Variants in SLC25A22 observed in about 807,000 individuals in gnomAD.
SLC25A22 encodes the protein solute carrier family 25 member 22, also known as mitochondrial glutamate carrier 1.
Under a neutral mutation model 33.7 loss-of-function variants are expected in SLC25A22, and 23 were observed. The ratio of observed to expected loss-of-function variants is 0.68; its 90% CI spans 0.49 to 0.97. SLC25A22 has a LOEUF of 0.97. Among genes scored for constraint, SLC25A22 ranks in the 50% least tolerant of loss-of-function variants. The pLI is 0.00. For missense variants in SLC25A22, 390 were observed against 451.1 expected, an observed-to-expected ratio of 0.86 and a Z score of 1.23; for synonymous variants, 245 against 203.8, an observed-to-expected ratio of 1.20 and a Z score of -1.72.
intron 1 of SLC25A22, chr11:796,310 G>A (rs1864825969): frequency 6.6e-6 from 1 of 151,306 alleles, no homozygotes; most frequent in African/African-American, 2.4e-5. Context: ...GGGTGGGGCG[G>A]GCTTGGGTGG....
In SLC25A22 at chr11:794,498, G is replaced by C; in HGVS notation, c.162C>G (p.Ile54Met). The change falls in exon 4 of 10, where the codon ATC (isoleucine) becomes ATG (methionine). Residue 54 changes from isoleucine (I) to methionine (M), a missense_variant. By Grantham distance (10) the Ile-to-Met change is conservative. Coordinates refer to ENST00000628067, the MANE Select transcript of SLC25A22 (RefSeq NM_001191061.2). ...AGTAGCCCTCGGAGCGGACGGTCTT[G>C]ATGAGGCAGTCGGACCTGTGGCCAA... ...RVYTSMSDCL[I>M]KTVRSEGYFG... 1.2e-6 allele frequency: 2 copies of C among 1,612,878 alleles called. No homozygotes were observed. Among genetic ancestry groups the C allele is most frequent in the Non-Finnish European group, 8.5e-7 (1 of 1,179,856 alleles).
chr11:797,709 C>T (rs1330339568), intron 1 of SLC25A22: 1 of 398,574 alleles, frequency 2.5e-6, no homozygotes, highest in Non-Finnish European at 4.4e-6. Flanking sequence ...TGCTTTCTAT[C>T]CTGCTGGCTG....
In SLC25A22 at chr11:792,891, G is replaced by T. The variant is rs796053239; in HGVS notation, c.391C>A (p.Leu131Met). The T allele has an allele frequency of 6.2e-7, 1 of 1,610,088 alleles. No individual in the cohort carries two copies. Among genetic ancestry groups the T allele is most frequent in the Non-Finnish European group, 8.5e-7 (1 of 1,179,124 alleles). ...TTPMEMLKIQ[L>M]QDAGRIAAQR... ...TCACCAATGCGCCCTGCATCCTGCA[G>T]CTGGATCTTCAGCATCTCCATGGGC... The change falls in exon 6 of 10, where the codon CTG (leucine) becomes ATG (methionine). Residue 131 changes from leucine to methionine, a missense_variant. Coordinates refer to ENST00000628067, the MANE Select transcript of SLC25A22 (RefSeq NM_001191061.2).
chr11:791,714 A>G lies in SLC25A22; in HGVS notation c.*201T>C. 1.5e-6 allele frequency: 1 copy of G among 648,670 alleles called. No homozygotes were observed. Among genetic ancestry groups the G allele is most frequent in the South Asian group, 2.0e-5 (1 of 51,252 alleles). 40.2% of individuals were successfully genotyped at this position (648,670 alleles called of 1,614,324 possible). A position where few individuals can be genotyped will look rare whatever the true frequency, so the allele number is the denominator to read the frequency against. ...TTTCTGCATTTTCTACATAAATGAG[A>G]CATTGATCCCAACGGTGCAGGCAGC... is the stretch of plus-strand genomic sequence containing the variant. On this transcript the variant is annotated 3_prime_UTR_variant, in exon 10 of 10. Transcript: ENST00000628067.
In SLC25A22 at chr11:792,267, G is replaced by A. The variant is rs373528524; in HGVS notation, c.742+37C>T. 248 of 1,612,866 alleles carry A rather than the reference G, an allele frequency of 1.5e-4. No individual in the cohort carries two copies. Among genetic ancestry groups the A allele is most frequent in the African/African-American group, 2.3e-4 (17 of 74,904 alleles). ...TGAGCCTGGCCAAGGGCTCAGTCCC[G>A]CCCCATCCCCAGCCGGGCGCCATCC... is the stretch of plus-strand genomic sequence containing the variant. On this transcript the variant is annotated intron_variant, in intron 8 of 9. Coordinates refer to ENST00000628067, the MANE Select transcript of SLC25A22 (RefSeq NM_001191061.2).
chr11:791,870 C>T lies in SLC25A22; in HGVS notation c.*45G>A, dbSNP rs755059251. 9.0e-6 allele frequency: 14 copies of T among 1,550,148 alleles called. No homozygotes were observed. The South Asian group carries it at 1.2e-4, about 13-fold the overall frequency. ...TGGGCTAGCTGCCTGGCTCCAGCCC[C>T]ACACCGGCCCTGCCCAGCTGGCTGG... On this transcript the variant is annotated 3_prime_UTR_variant, in exon 10 of 10. Transcript: ENST00000628067.
rs1057522422 is a variant in SLC25A22 at position 791,987 on chromosome 11, G to A, written c.900C>T (p.Gly300=). 3.1e-6 allele frequency: 5 copies of A among 1,609,400 alleles called. No homozygotes were observed. The highest frequency in any genetic ancestry group is 3.4e-6 in the Non-Finnish European group (4 of 1,179,244). ...CRALVIAPLF[G]IAQVVYFLGI... is the part of the protein sequence containing the mutation. ...CCAGGAAGTAGACCACCTGTGCGATGCCGAAAAGGGGCGCGATGACCAGCG... is the reference window on the plus strand; with the variant it reads ...CCAGGAAGTAGACCACCTGTGCGATACCGAAAAGGGGCGCGATGACCAGCG... Residue 300 remains glycine (G), a synonymous_variant, in exon 10 of 10, where the codon GGC becomes GGT. Transcript: ENST00000628067.
chr11:795,735 C>G lies in SLC25A22; in HGVS notation c.-163-566G>C, dbSNP rs528512799. 418 of 160,388 alleles carry G rather than the reference C, an allele frequency of 2.6e-3. 4 individuals are homozygous for G. Among genetic ancestry groups the G allele is most frequent in the African/African-American group, 9.7e-3 (402 of 41,568 alleles). 9.9% of individuals were successfully genotyped at this position (160,388 alleles called of 1,614,324 possible). On this transcript the variant is annotated intron_variant, in intron 1 of 9. Transcript: ENST00000628067. ...CCCACGATGCCCACACCCCCCACAGCCAGCCCCTTGCCCGCCCCTTCCTCC... is the reference window on the plus strand; with the variant it reads ...CCCACGATGCCCACACCCCCCACAGGCAGCCCCTTGCCCGCCCCTTCCTCC...
At chr11:794,241 T>A (rs541192441) in intron 4 of SLC25A22, 17 of 709,272 alleles carry the variant, frequency 2.4e-5, no homozygotes, top group South Asian at 2.4e-4. Flanking sequence ...CACCAGGCAC[T>A]AAGTGGGGGT....
Position 795,027 on chromosome 11 carries a change from T to G in SLC25A22, c.-21A>C. ...GCCATTTAACTCGATTGCACCCAGG[T>G]AGGAGCCGCAGAGGTGGACGCCAGG... On this transcript the variant is annotated 5_prime_UTR_variant, in exon 2 of 10. Coordinates refer to ENST00000628067, the MANE Select transcript of SLC25A22 (RefSeq NM_001191061.2). 6.4e-7 allele frequency: 1 copy of G among 1,552,006 alleles called. No individual in the cohort carries two copies. The highest frequency in any genetic ancestry group is 1.7e-4 in the Middle Eastern group (1 of 5,862).
rs1864458103 is a variant in SLC25A22 at position 790,511 on chromosome 11, A to G, written c.*1404T>C. 6.6e-6 allele frequency: 1 copy of G among 152,248 alleles called. No individual in the cohort carries two copies. The highest frequency in any genetic ancestry group is 1.5e-5 in the Non-Finnish European group (1 of 68,058). 9.4% of individuals were successfully genotyped at this position (152,248 alleles called of 1,614,324 possible). A position where few individuals can be genotyped will look rare whatever the true frequency, so the allele number is the denominator to read the frequency against. On this transcript the variant is annotated 3_prime_UTR_variant, in exon 10 of 10. Coordinates refer to ENST00000628067, the MANE Select transcript of SLC25A22 (RefSeq NM_001191061.2). ...TATTTATTTATTCTCTGACATGACA[A>G]GACACAAAAAGTTACAACTTCTTAA...
At chr11:798,186 A>T (rs1864937326) in intron 1 of SLC25A22, 31 bp downstream of exon 1, 2 of 395,776 alleles carry the variant, frequency 5.1e-6, no homozygotes, top group Non-Finnish European at 8.9e-6. Context: ...GGATGGGCGC[A>T]GCAGAAGGGA....
Position 790,806 on chromosome 11 carries a change from A to AG in SLC25A22, c.*1108dup, listed in dbSNP as rs1344851112. ...CTCACAGCAGGGATCGCCCGGTGGC[A>AG]GGGGGGATGGGGCTTCTGAAGTGTG... On this transcript the variant is annotated 3_prime_UTR_variant, in exon 10 of 10. Transcript: ENST00000628067. 6.6e-6 allele frequency: 1 copy of AG among 152,568 alleles called. No individual in the cohort carries two copies. The highest frequency in any genetic ancestry group is 1.5e-5 in the Non-Finnish European group (1 of 68,290). 9.5% of individuals were successfully genotyped at this position (152,568 alleles called of 1,614,324 possible). A position where few individuals can be genotyped will look rare whatever the true frequency, so the allele number is the denominator to read the frequency against.
chr11:797,526 A>G (rs896461492), intron 1 of SLC25A22: 23 of 397,758 alleles, frequency 5.8e-5, no homozygotes, highest in African/African-American at 4.7e-4. Context: ...GCAGGAGAGC[A>G]GAGACCACCC....
chr11:797,116 T>C (rs1180340369), intron 1 of SLC25A22, among the ~76,000 whole-genome samples: 1 of 152,150 alleles, frequency 6.6e-6, no homozygotes, highest in Non-Finnish European at 1.5e-5. Flanking sequence ...GACACCTGCA[T>C]GATAGGGGCA....
chr11:796,371 G>C (rs1864828373), intron 1 of SLC25A22: 1 of 152,130 alleles, frequency 6.6e-6, no homozygotes, highest in Non-Finnish European at 1.5e-5. Context: ...CGGCAGCCTT[G>C]AGAGGAGAGA....
In SLC25A22 at chr11:794,909, G is replaced by T; in HGVS notation, c.21-8C>A. ...ATGAGCTTGGCTGGCAGGCTGTGTG[G>T]ACAGGGGTGTCAGGACCGGCTTCCT... On this transcript the variant is annotated splice_region_variant and splice_polypyrimidine_tract_variant and intron_variant, in intron 2 of 9. Transcript: ENST00000628067. 6.4e-7 allele frequency: 1 copy of T among 1,564,788 alleles called. No homozygotes were observed. The highest frequency in any genetic ancestry group is 8.7e-7 in the Non-Finnish European group (1 of 1,154,664).
chr11:797,632 G>T (rs1864905689), intron 1 of SLC25A22: 1 of 398,670 alleles, frequency 2.5e-6, no homozygotes, highest in Non-Finnish European at 4.4e-6. Context: ...GGCAATGGGG[G>T]TGAGGCTCCG....
chr11:794,492 G>A lies in SLC25A22; in HGVS notation c.168C>T (p.Thr56=), dbSNP rs535450959. The change falls in exon 4 of 10, where the codon ACC becomes ACT. Residue 56 remains threonine, a synonymous_variant. Transcript: ENST00000628067. ...TGCCGAAGTAGCCCTCGGAGCGGAC[G>A]GTCTTGATGAGGCAGTCGGACCTGT... The part of the protein sequence containing the change: ...YTSMSDCLIK[T]VRSEGYFGMY... 22 of 1,612,974 alleles carry A rather than the reference G, an allele frequency of 1.4e-5. No homozygotes were observed. Among genetic ancestry groups the A allele is most frequent in the Non-Finnish European group, 1.6e-5 (19 of 1,179,864 alleles).
Sources: allele counts gnomAD v4.1 joint callset (sites outside exome capture counted in the v4.1 genomes callset), GRCh38; gene constraint gnomAD v4.1.1; transcripts MANE v1.5; gene names NCBI Gene and HGNC (gene_info 2026-07-23, HGNC 2026-07-21).